GRIPAP1: variants seen among roughly 807,000 people sequenced by gnomAD.
The protein encoded by GRIPAP1 is GRIP1 associated protein 1.
Under a neutral mutation model 84.1 loss-of-function variants are expected in GRIPAP1, and 14 were observed. The observed-to-expected ratio is 0.17, with a 90% confidence interval of 0.11 to 0.26. GRIPAP1 has a LOEUF of 0.26. Ranked by LOEUF, GRIPAP1 falls within the 10% of genes least tolerant of loss-of-function variation. The pLI, the probability that GRIPAP1 is intolerant of heterozygous loss-of-function variation, is 1.00. For missense variants in GRIPAP1, 518 were observed against 674.2 expected, an observed-to-expected ratio of 0.77 and a Z score of 2.57; for synonymous variants, 261 against 256.8, an observed-to-expected ratio of 1.02 and a Z score of -0.15.
intron 6 of GRIPAP1, 181 bp from the exon 7 acceptor site, chrX:48,991,291 T>G: frequency 4.6e-6 from 2 of 431,938 alleles, no homozygotes; most frequent in Non-Finnish European, 4.0e-6. Context: ...TTTTTCTTTT[T>G]TTTTTTGAGA....
chrX:48,990,467 G>A (rs2064513873), intron 8 of GRIPAP1, among the ~76,000 whole-genome samples: 1 of 112,188 alleles, frequency 8.9e-6, no homozygotes, highest in South Asian at 3.7e-4. Flanking sequence ...AGAGATGGAT[G>A]GGATGAAACT....
intron 3 of GRIPAP1, among the ~76,000 whole-genome samples, chrX:48,998,454 G>A (rs2064559460): frequency 8.9e-6 from 1 of 111,920 alleles, no homozygotes; most frequent in African/African-American, 3.2e-5. Flanking sequence ...CTGGTGGGGG[G>A]ACAGGGGAGG....
chrX:48,983,954 C>G (rs1256814756), intron 14 of GRIPAP1, 84 bp from the exon 15 acceptor site: 1 of 585,351 alleles, frequency 1.7e-6, no homozygotes, highest in African/African-American at 2.2e-5. Flanking sequence ...TAGACCATCT[C>G]CCTTCTCCCT....
rs1348064486 is a variant in GRIPAP1, at chrX:48,981,490, C to T, written c.1774-18G>A. On this transcript the variant is annotated intron_variant, in intron 19 of 25. Transcript: ENST00000376423. ...TTCACCTCCTGTGGGAGAAAGCAGG[C>T]ATGGCTGGTAGATGCCGGAAGGGCT... is the stretch of plus-strand genomic sequence containing the variant. 1 of 1,204,503 alleles carries T rather than the reference C, an allele frequency of 8.3e-7. No homozygotes were observed. Among genetic ancestry groups the T allele is most frequent in the Non-Finnish European group, 1.1e-6 (1 of 891,254 alleles).
intron 13 of GRIPAP1, among the ~76,000 whole-genome samples, chrX:48,986,622 G>A (rs782457234): frequency 1.9e-5 from 2 of 107,885 alleles, no homozygotes; most frequent in African/African-American, 3.4e-5. Flanking sequence ...CTCGAACTCC[G>A]AACCCCAGGT....
Position 49,002,250 on chromosome X carries a change from GC to G in GRIPAP1, c.-22del. 1.2e-6 allele frequency: 1 copy of G among 800,118 alleles called. No homozygotes were observed. 65.9% of individuals were successfully genotyped at this position (800,118 alleles called of 1,213,427 possible). ...GCCATGTTCCTCCCCCCACCCCCCC[GC>G]CAGCTTTCTGCGCAGACGCAGCTCG... On this transcript the variant is annotated 5_prime_UTR_variant, in exon 1 of 26. Coordinates refer to ENST00000376423, the MANE Select transcript of GRIPAP1 (RefSeq NM_020137.5).
At chrX:48,991,212 A>C (rs1557065455) in intron 6 of GRIPAP1, 102 bp from the exon 7 acceptor site, 3 of 574,864 alleles carry the variant, frequency 5.2e-6, no homozygotes, top group Non-Finnish European at 9.0e-6. Flanking sequence ...CTCAGGTGGC[A>C]GAGTCCCTGT....
chrX:48,989,267 C>T (rs1485254794), intron 11 of GRIPAP1, among the ~76,000 whole-genome samples: 1 of 111,211 alleles, frequency 9.0e-6, no homozygotes, highest in East Asian at 2.8e-4. Flanking sequence ...AGTCACCCAG[C>T]ACCCAGGGAG....
chrX:48,975,734 GGAGA>G (rs2064418548), intron 24 of GRIPAP1: 1 of 367,696 alleles, frequency 2.7e-6, no homozygotes, highest in Non-Finnish European at 4.7e-6. Flanking sequence ...AAGAGAGAAG[GGAGA>G]GAGAGAGGAG....
chrX:48,996,785 A>G (rs182198951), intron 5 of GRIPAP1, among the ~76,000 whole-genome samples: 5 of 112,219 alleles, frequency 4.5e-5, no homozygotes, highest in Admixed American at 1.9e-4. Context: ...CAGACAGGAC[A>G]CTAAAATCAA....
At chrX:48,983,672 C>T in intron 15 of GRIPAP1, 103 bp downstream of exon 15, 2 of 598,492 alleles carry the variant, frequency 3.3e-6, no homozygotes, top group Middle Eastern at 4.8e-4. Context: ...TTTTCCTTTC[C>T]CTCCTATCCC....
At chrX:48,987,111 G>C (rs1346020994) in intron 13 of GRIPAP1, among the ~76,000 whole-genome samples, 2 of 104,208 alleles carry the variant, frequency 1.9e-5, no homozygotes, top group Non-Finnish European at 3.9e-5. Context: ...GCCTCCCAAA[G>C]TGCTAGGATT....
In GRIPAP1 at chrX:48,989,728, G is replaced by A; in HGVS notation, c.771-18C>T. ...TCTTGTTCCTAGGAGTGATGGGGAGGGGGTGTGTTGGACATGGCTTGAGGC... is the reference window on the plus strand; with the variant it reads ...TCTTGTTCCTAGGAGTGATGGGGAGAGGGTGTGTTGGACATGGCTTGAGGC... On this transcript the variant is annotated intron_variant, in intron 10 of 25. Coordinates refer to ENST00000376423, the MANE Select transcript of GRIPAP1 (RefSeq NM_020137.5). The A allele has an allele frequency of 8.9e-7, 1 of 1,125,187 alleles. No homozygotes were observed. The highest frequency in any genetic ancestry group is 1.2e-6 in the Non-Finnish European group (1 of 816,575). The allele number at this position is 1,125,187 out of a possible 1,213,427, so 92.7% of individuals were successfully genotyped here.
intron 14 of GRIPAP1, 131 bp from the exon 15 acceptor site, chrX:48,984,001 G>T: frequency 4.0e-6 from 2 of 502,015 alleles, no homozygotes; most frequent in Non-Finnish European, 7.2e-6. Context: ...TTCTGGATAG[G>T]AAATATAGCA....
chrX:48,998,322 CAT>C (rs1320151813), intron 3 of GRIPAP1, 142 bp from the exon 4 acceptor site: 3 of 472,511 alleles, frequency 6.3e-6, no homozygotes, highest in Non-Finnish European at 1.1e-5. Flanking sequence ...AACCACAGAA[CAT>C]GTGTGACAAT....
chrX:48,992,179 T>C (rs1216420255), intron 6 of GRIPAP1, among the ~76,000 whole-genome samples: 2 of 111,702 alleles, frequency 1.8e-5, no homozygotes, highest in East Asian at 2.8e-4. Context: ...CTAATTATTG[T>C]ATTTTTAATA....
At chrX:48,997,379 A>G in intron 4 of GRIPAP1, 22 bp from the exon 5 acceptor site, 6 of 919,334 alleles carry the variant, frequency 6.5e-6, no homozygotes, top group Non-Finnish European at 9.3e-6. Context: ...GACAAGGGCC[A>G]GGACTCCAGC....
In GRIPAP1 at chrX:48,991,732, C is replaced by G. The variant is rs782494237; in HGVS notation, c.458-622G>C. Among the ~76,000 whole-genome samples, 571 of 111,828 alleles carry G rather than the reference C, an allele frequency of 5.1e-3. 2 individuals carry two copies. The highest frequency in any genetic ancestry group is 0.018 in the Middle Eastern group (4 of 217). On this transcript the variant is annotated intron_variant, in intron 6 of 25. Transcript: ENST00000376423. ...GCACGCGCTTGTAATCCCAGCTACTCGTGGGGCTGAGGCAGGAGAATCGCT... is the reference window on the plus strand; with the variant it reads ...GCACGCGCTTGTAATCCCAGCTACTGGTGGGGCTGAGGCAGGAGAATCGCT...
intron 18 of GRIPAP1, 51 bp from the exon 19 acceptor site, chrX:48,981,742 C>T: frequency 1.7e-6 from 2 of 1,159,810 alleles, no homozygotes; most frequent in Non-Finnish European, 2.4e-6. Flanking sequence ...CTCTGTCCTC[C>T]CAGGAGGGCC....
Sources: gnomAD v4.1 joint callset for allele counts (sites outside exome capture counted in the v4.1 genomes callset) on GRCh38, gnomAD v4.1.1 for gene constraint, MANE v1.5 for transcripts, NCBI Gene and HGNC (gene_info 2026-07-23, HGNC 2026-07-21) for gene names.